Variants in PCDHGB4 observed in about 807,000 individuals in gnomAD.
PCDHGB4 encodes protocadherin gamma subfamily B, 4.
In PCDHGB4, 38 loss-of-function variants were observed where a neutral mutation model predicts 60.5. The observed-to-expected ratio is 0.63, with a 90% CI of 0.48 to 0.82. The LOEUF (loss-of-function observed/expected upper bound fraction) is 0.82. PCDHGB4 is among the 40% of genes least tolerant of loss of function. PCDHGB4 has a pLI of 0.00. For synonymous variants in PCDHGB4, 456 were observed against 509.7 expected (o/e 0.89, Z 1.42); for missense variants, 1,109 against 1,209.6 (o/e 0.92, Z 1.23).
intron 1 of PCDHGB4, chr5:141,409,191 A>G: frequency 1.2e-6 from 2 of 1,613,970 alleles, no homozygotes; most frequent in African/African-American, 2.7e-5. Flanking sequence ...CTCTCTACCC[A>G]GTGTAAAGTA....
In PCDHGB4 at chr5:141,490,242, T is replaced by G. The variant is rs2099697678; in HGVS notation, c.2398-4565T>G. 6.2e-7 allele frequency: 1 copy of G among 1,614,194 alleles called. No individual in the cohort carries two copies. The highest frequency in any genetic ancestry group is 8.5e-7 in the Non-Finnish European group (1 of 1,180,028). ...GACAGCCTGCCATGGAGGGCCACTG[T>G]GTGATTCAAGTGGATGTGGGGGATG... On this transcript the variant is annotated intron_variant, in intron 1 of 3. Transcript: ENST00000519479. The surrounding 1 kb of genome is among the most constrained non-coding windows in gnomAD (Gnocchi z 5.4).
Position 141,486,772 on chromosome 5 carries a change from T to A in PCDHGB4, c.2398-8035T>A. ...ATGAGCAAACCCAGACACTGCAGTT[T>A]GAGGTGCAGGCCCGGGATCGGGGCA... is the stretch of plus-strand genomic sequence containing the variant. On this transcript the variant is annotated intron_variant, in intron 1 of 3. Coordinates refer to ENST00000519479, the MANE Select transcript of PCDHGB4 (RefSeq NM_003736.4). The surrounding 1 kb of genome is among the most constrained non-coding windows in gnomAD (Gnocchi z 5.0). 1 of 1,614,246 alleles carries A rather than the reference T, an allele frequency of 6.2e-7. No homozygotes were observed. Among genetic ancestry groups the A allele is most frequent in the South Asian group, 1.1e-5 (1 of 91,088 alleles).
At chr5:141,495,499 C>T (rs918858395) in intron 2 of PCDHGB4, among the ~76,000 whole-genome samples, 13 of 152,162 alleles carry the variant, frequency 8.5e-5, no homozygotes, top group African/African-American at 2.9e-4. Context: ...CTTGAGTTTC[C>T]GTCTTTGCCA....
chr5:141,393,171 G>A (rs768471669), intron 1 of PCDHGB4: 1 of 1,613,268 alleles, frequency 6.2e-7, no homozygotes, highest in Non-Finnish European at 8.5e-7. Context: ...CTTTGGGGTA[G>A]AAATAGAAAT....
intron 1 of PCDHGB4, chr5:141,399,734 C>T: frequency 6.2e-7 from 1 of 1,613,338 alleles, no homozygotes; most frequent in Non-Finnish European, 8.5e-7. Context: ...CAGGGCTCGC[C>T]TGCGCTCAGC....
chr5:141,508,714 G>A (rs775462794), intron 3 of PCDHGB4, among the ~76,000 whole-genome samples: 16 of 151,880 alleles, frequency 1.1e-4, no homozygotes, highest in Admixed American at 2.0e-4. Context: ...ATTCTTTTCT[G>A]TGTGCAGGGA....
intron 1 of PCDHGB4, among the ~76,000 whole-genome samples, chr5:141,454,617 G>T (rs2098794218): frequency 6.6e-6 from 1 of 151,322 alleles, no homozygotes; most frequent in Non-Finnish European, 1.5e-5. Context: ...TGTTGGTCAG[G>T]CTGGTCTCGA....
intron 1 of PCDHGB4, chr5:141,399,725 A>G (rs2093873556): frequency 6.2e-7 from 1 of 1,613,192 alleles, no homozygotes; most frequent in Admixed American, 1.7e-5. Flanking sequence ...GCCCGCGACC[A>G]GGGCTCGCCT....
At chr5:141,438,305 G>T (rs1287488865) in intron 1 of PCDHGB4, among the ~76,000 whole-genome samples, 2 of 151,822 alleles carry the variant, frequency 1.3e-5, no homozygotes, top group East Asian at 1.9e-4. Context: ...AAAGAAGTTG[G>T]TACCACCATA....
At chr5:141,403,743 C>A (rs1165597254) in intron 1 of PCDHGB4, 1 of 1,613,856 alleles carries the variant, frequency 6.2e-7, no homozygotes, top group Non-Finnish European at 8.5e-7. Context: ...CTGCTTACTG[C>A]AACAGCCAGC....
At chr5:141,478,498 G>T in intron 1 of PCDHGB4, 1 of 1,612,710 alleles carries the variant, frequency 6.2e-7, no homozygotes, top group South Asian at 1.1e-5. Context: ...GCTGTGATCC[G>T]GTGTTCTATA....
chr5:141,407,808 C>T (rs1182707356), intron 1 of PCDHGB4, among the ~76,000 whole-genome samples: 1 of 152,136 alleles, frequency 6.6e-6, no homozygotes, highest in Non-Finnish European at 1.5e-5. Context: ...ATAGAAATAT[C>T]TACTATAATA....
At chr5:141,453,351 C>T (rs1210851703) in intron 1 of PCDHGB4, among the ~76,000 whole-genome samples, 3 of 151,738 alleles carry the variant, frequency 2.0e-5, no homozygotes, top group African/African-American at 7.3e-5. Context: ...CCAGGCTGAC[C>T]CTGAACTCCT....
At chr5:141,457,393 T>G (rs1299068071) in intron 1 of PCDHGB4, among the ~76,000 whole-genome samples, 1 of 152,228 alleles carries the variant, frequency 6.6e-6, no homozygotes, top group African/African-American at 2.4e-5. Flanking sequence ...AGCATATTGA[T>G]TCACATTTTC....
In PCDHGB4 at chr5:141,477,967, C is replaced by T. The variant is rs756216038; in HGVS notation, c.2398-16840C>T. Reference sequence around the variant, plus strand: ...GTCTCTTGGGATCCCCTAACCAGAGCCTTTTTGCCATAGGGCTGCACACTG... The same window carrying T: ...GTCTCTTGGGATCCCCTAACCAGAGTCTTTTTGCCATAGGGCTGCACACTG... On this transcript the variant is annotated intron_variant, in intron 1 of 3. Coordinates refer to ENST00000519479, the MANE Select transcript of PCDHGB4 (RefSeq NM_003736.4). This position sits in a 1 kb window ranked among gnomAD's most constrained non-coding sequence, Gnocchi z 4.9. The T allele has an allele frequency of 8.7e-6, 14 of 1,614,032 alleles. No individual in the cohort carries two copies. In the South Asian group the frequency reaches 1.2e-4, roughly 14 times the overall value.
chr5:141,400,650 C>T, intron 1 of PCDHGB4: 13 of 1,174,166 alleles, frequency 1.1e-5, no homozygotes, highest in Non-Finnish European at 1.6e-5. Context: ...AGAAAGCTGT[C>T]CTACCATTCT....
Position 141,489,880 on chromosome 5 carries a change from G to A in PCDHGB4, c.2398-4927G>A. On this transcript the variant is annotated intron_variant, in intron 1 of 3. Transcript: ENST00000519479. The surrounding 1 kb of genome is among the most constrained non-coding windows in gnomAD (Gnocchi z 4.5). Reference sequence around the variant, plus strand: ...GGCAAGACATCAGCTGGTGCTTACTGCTGTGGATGGGGGGACCCCAGCCCG... The same window carrying A: ...GGCAAGACATCAGCTGGTGCTTACTACTGTGGATGGGGGGACCCCAGCCCG... 2 of 1,614,230 alleles carry A rather than the reference G, an allele frequency of 1.2e-6. No individual in the cohort carries two copies. The highest frequency in any genetic ancestry group is 1.7e-6 in the Non-Finnish European group (2 of 1,180,026).
chr5:141,490,874 A>C lies in PCDHGB4; in HGVS notation c.2398-3933A>C. 1 of 1,613,948 alleles carries C rather than the reference A, an allele frequency of 6.2e-7. No homozygotes were observed. The highest frequency in any genetic ancestry group is 1.3e-5 in the African/African-American group (1 of 75,054). The stretch of plus-strand genomic sequence containing the variant: ...CGAGACTCCGGCTCTCCCCCATTGC[A>C]TGCCAACACATCTCTGCATGTGTTT... On this transcript the variant is annotated intron_variant, in intron 1 of 3. Coordinates refer to ENST00000519479, the MANE Select transcript of PCDHGB4 (RefSeq NM_003736.4). The surrounding 1 kb of genome is among the most constrained non-coding windows in gnomAD (Gnocchi z 5.4).
At position 141,491,623 on chromosome 5, in the gene PCDHGB4, G is replaced by A. The variant is rs767724749; in HGVS notation, c.2398-3184G>A. The A allele has an allele frequency of 3.7e-6, 6 of 1,613,812 alleles. No homozygotes were observed. The highest frequency in any genetic ancestry group is 2.7e-5 in the African/African-American group (2 of 74,938). On this transcript the variant is annotated intron_variant, in intron 1 of 3. Transcript: ENST00000519479. This position sits in a 1 kb window ranked among gnomAD's most constrained non-coding sequence, Gnocchi z 6.9. ...CTTCACTTTTCTAAGACCCCTCAGC[G>A]TTCAGCAGCCCACAGCTCTGGCGCT...
Sources: gnomAD v4.1 joint callset for allele counts (sites outside exome capture counted in the v4.1 genomes callset) on GRCh38, gnomAD v4.1.1 for gene constraint, Gnocchi (gnomAD v3.1) non-coding constraint, MANE v1.5 for transcripts, NCBI Gene and HGNC (gene_info 2026-07-23, HGNC 2026-07-21) for gene names.